The following PCDHGA9 variants were observed in gnomAD, a reference collection of about 807,000 sequenced individuals.
PCDHGA9 encodes the protein protocadherin gamma-A9.
Under a neutral mutation model 62.5 loss-of-function variants are expected in PCDHGA9, and 37 were observed. The observed-to-expected ratio is 0.59, with a 90% CI of 0.46 to 0.78. PCDHGA9 has a LOEUF of 0.78. PCDHGA9 is among the 30% of genes least tolerant of loss of function. The pLI, the probability that PCDHGA9 is intolerant of heterozygous loss-of-function variation, is 0.00. For synonymous variants in PCDHGA9, 459 were observed against 484.6 expected (o/e 0.95, Z 0.69); for missense variants, 1,138 against 1,166.2 (o/e 0.98, Z 0.35).
rs756525217 is a variant in PCDHGA9, at chr5:141,402,958, A to T, written c.6A>T (p.Ala2=). The change falls in exon 1 of 4, where the codon GCA becomes GCT. Residue 2 remains alanine (A), a synonymous_variant. Coordinates refer to ENST00000573521, the MANE Select transcript of PCDHGA9 (RefSeq NM_018921.3). Reference sequence around the variant, plus strand: ...AATTCCAAAGCGAGGCAGCAATGGCAGCTCCAACCAAATGCCAGCTCCGCG... The same window carrying T: ...AATTCCAAAGCGAGGCAGCAATGGCTGCTCCAACCAAATGCCAGCTCCGCG... M[A]APTKCQLRGR... 48 of 1,602,110 alleles carry T rather than the reference A, an allele frequency of 3.0e-5. 1 individual carries two copies. The highest frequency in any genetic ancestry group is 8.5e-7 in the Non-Finnish European group (1 of 1,173,862).
intron 1 of PCDHGA9, chr5:141,410,202 A>C (rs766392835): frequency 1.3e-5 from 21 of 1,614,018 alleles, no homozygotes; most frequent in Non-Finnish European, 1.6e-5. Context: ...TTCGCAGACA[A>C]CTTGCAAGAG....
chr5:141,419,138 A>C, intron 1 of PCDHGA9: 1 of 1,613,920 alleles, frequency 6.2e-7, no homozygotes, highest in Non-Finnish European at 8.5e-7. Context: ...AGCCACAGAC[A>C]GGGGCAAGCC....
rs960870975 is a variant in PCDHGA9 at position 141,417,761 on chromosome 5, C to T, written c.2424+12385C>T. On this transcript the variant is annotated intron_variant, in intron 1 of 3. Coordinates refer to ENST00000573521, the MANE Select transcript of PCDHGA9 (RefSeq NM_018921.3). ...ACACCAGATTGCCAGCTCCGAGACC[C>T]GGGACTCCTCCTGTCCTGGGCCGAA... is the stretch of plus-strand genomic sequence containing the variant. 1.8e-5 allele frequency: 26 copies of T among 1,438,736 alleles called. No homozygotes were observed. The East Asian group carries it at 5.0e-4, about 28-fold the overall frequency. The allele number at this position is 1,438,736 out of a possible 1,614,324, so 89.1% of individuals were successfully genotyped here.
At chr5:141,446,102 A>C (rs751362645) in intron 1 of PCDHGA9, among the ~76,000 whole-genome samples, 1 of 152,214 alleles carries the variant, frequency 6.6e-6, no homozygotes, top group Non-Finnish European at 1.5e-5. Context: ...TGAATTATAG[A>C]TATATTTAGG....
At chr5:141,504,302 C>T (rs969760258) in intron 2 of PCDHGA9, among the ~76,000 whole-genome samples, 9 of 152,004 alleles carry the variant, frequency 5.9e-5, no homozygotes, top group African/African-American at 1.5e-4. Context: ...TTTCAACACT[C>T]GGAGTTTCTA....
intron 1 of PCDHGA9, chr5:141,427,726 T>C: frequency 8.7e-7 from 1 of 1,155,152 alleles, no homozygotes; most frequent in Non-Finnish European, 1.3e-6. Context: ...GACCTAGGGC[T>C]GAATGGCCAA....
At chr5:141,410,849 CTTTTTTTTTTTT>C (rs759346998) in intron 1 of PCDHGA9, 1 of 129,786 alleles carries the variant, frequency 7.7e-6, no homozygotes, top group East Asian at 2.3e-4. Flanking sequence ...TTGTCTTTGT[CTTTTTTTTTTTT>C]TTTTTTTTTT....
At chr5:141,406,273 G>A (rs1366399912) in intron 1 of PCDHGA9, among the ~76,000 whole-genome samples, 2 of 151,898 alleles carry the variant, frequency 1.3e-5, no homozygotes, top group Non-Finnish European at 2.9e-5. Context: ...TCCTGCTTCA[G>A]TTTCCCAAAG....
intron 1 of PCDHGA9, chr5:141,424,576 C>CA (rs2096829154): frequency 6.6e-6 from 1 of 152,132 alleles, no homozygotes; most frequent in African/African-American, 2.4e-5. Context: ...AACCTATTTT[C>CA]AAATGTGCTA....
chr5:141,422,576 C>G (rs778942661), intron 1 of PCDHGA9: 1 of 1,614,034 alleles, frequency 6.2e-7, no homozygotes, highest in South Asian at 1.1e-5. Context: ...AACGATAACC[C>G]TCCCGTTTTT....
chr5:141,413,391 C>T lies in PCDHGA9; in HGVS notation c.2424+8015C>T, dbSNP rs375582894. ...CGGAGCGCGGAGTCCGCATAGTCTC[C>T]AGAGGTAGGACGCAGCTTTTCTCTC... On this transcript the variant is annotated intron_variant, in intron 1 of 3. Transcript: ENST00000573521. The T allele has an allele frequency of 1.2e-5, 19 of 1,613,902 alleles. No homozygotes were observed. In the African/African-American group the frequency reaches 2.4e-4, roughly 20 times the overall value.
intron 1 of PCDHGA9, chr5:141,471,227 T>C (rs2099253010): frequency 6.6e-6 from 1 of 151,604 alleles, no homozygotes; most frequent in Admixed American, 6.6e-5. Flanking sequence ...TTTTTTGTAT[T>C]TTTAGTAGAG....
rs1562144438 is a variant in PCDHGA9, at chr5:141,491,135, G to T, written c.2425-3672G>T. The T allele has an allele frequency of 6.2e-7, 1 of 1,613,986 alleles. No individual in the cohort carries two copies. Among genetic ancestry groups the T allele is most frequent in the Non-Finnish European group, 8.5e-7 (1 of 1,180,000 alleles). On this transcript the variant is annotated intron_variant, in intron 1 of 3. Transcript: ENST00000573521. This position sits in a 1 kb window ranked among gnomAD's most constrained non-coding sequence, Gnocchi z 6.9. ...CACACTGGTGAGGTGCGCACAGCCC[G>T]GGCCTTACTGGAGGATGACTCTGAC...
chr5:141,437,945 C>A (rs1204633193), intron 1 of PCDHGA9, among the ~76,000 whole-genome samples: 1 of 152,112 alleles, frequency 6.6e-6, no homozygotes, highest in Non-Finnish European at 1.5e-5. Flanking sequence ...ACCATATTGG[C>A]CAGAATGGTC....
At chr5:141,503,004 C>T (rs114294610) in intron 2 of PCDHGA9, among the ~76,000 whole-genome samples, 5,013 of 145,894 alleles carry the variant, frequency 0.034, 127 homozygotes, top group South Asian at 0.076. Context: ...CCACCATGCC[C>T]GGTTAATTTT....
At chr5:141,419,723 C>A in intron 1 of PCDHGA9, 6 of 1,613,292 alleles carry the variant, frequency 3.7e-6, no homozygotes, top group Non-Finnish European at 5.1e-6. Flanking sequence ...CCTGGGGCTG[C>A]GAACAGGCGA....
In PCDHGA9 at chr5:141,422,911, G is replaced by C. The variant is rs375046528; in HGVS notation, c.2424+17535G>C. ...GCTGGACCAGAACGACAATGCGCCC[G>C]AGATCCTGTACCCTGCCCTCCCCAC... On this transcript the variant is annotated intron_variant, in intron 1 of 3. Transcript: ENST00000573521. 41 of 1,614,236 alleles carry C rather than the reference G, an allele frequency of 2.5e-5. No individual in the cohort carries two copies. Among genetic ancestry groups the C allele is most frequent in the Non-Finnish European group, 3.2e-5 (38 of 1,180,046 alleles).
At chr5:141,421,941 T>C (rs186605459) in intron 1 of PCDHGA9, 2 of 1,613,456 alleles carry the variant, frequency 1.2e-6, no homozygotes, top group East Asian at 4.5e-5. Context: ...ATGTAAATGA[T>C]CACATCCCAA....
intron 1 of PCDHGA9, chr5:141,421,032 C>A: frequency 1.9e-6 from 1 of 533,288 alleles, no homozygotes; most frequent in Non-Finnish European, 3.3e-6. Flanking sequence ...GCCATTGAGT[C>A]CCTCCCTCCC....
Sources: gnomAD v4.1 joint callset for allele counts (sites outside exome capture counted in the v4.1 genomes callset) on GRCh38, gnomAD v4.1.1 for gene constraint, Gnocchi (gnomAD v3.1) non-coding constraint, MANE v1.5 for transcripts, NCBI Gene and HGNC (gene_info 2026-07-23, HGNC 2026-07-21) for gene names.